ZNF250: variants seen among roughly 807,000 people sequenced by gnomAD.
ZNF250 encodes the protein zinc finger protein 250, also known as zinc finger protein (clone 647).
Under a neutral mutation model 37.1 loss-of-function variants are expected in ZNF250, and 13 were observed. That is an observed-to-expected ratio of 0.35 (90% CI 0.23 to 0.56). ZNF250 has a LOEUF of 0.56. Ranked by LOEUF, ZNF250 falls within the 20% of genes least tolerant of loss-of-function variation. ZNF250 has a pLI of 0.87. For missense variants in ZNF250, 474 were observed against 697.9 expected (o/e 0.68, Z 3.61); for synonymous variants, 251 against 265.6 (o/e 0.94, Z 0.54).
intron 1 of ZNF250, among the ~76,000 whole-genome samples, chr8:144,900,553 ATAT>A (rs1274507258): frequency 6.6e-6 from 1 of 152,222 alleles, no homozygotes; most frequent in East Asian, 1.9e-4. Flanking sequence ...GAAGTATTGC[ATAT>A]TATTTTCAAT....
intron 5 of ZNF250, among the ~76,000 whole-genome samples, chr8:144,883,131 G>A (rs1236387708): frequency 6.6e-6 from 1 of 152,232 alleles, no homozygotes; most frequent in East Asian, 1.9e-4. Flanking sequence ...AGTGGTGCCT[G>A]AGTCCTGCCC....
At chr8:144,898,882 A>G (rs1832899429) in intron 1 of ZNF250, among the ~76,000 whole-genome samples, 1 of 152,246 alleles carries the variant, frequency 6.6e-6, no homozygotes, top group African/African-American at 2.4e-5. Context: ...ACTGCTTGTT[A>G]TATACCCAAA....
rs117729487 is a variant in ZNF250, at chr8:144,893,926, C to T, written c.-54-3523G>A. Among the ~76,000 whole-genome samples, 265 of 152,226 alleles carry T rather than the reference C, an allele frequency of 1.7e-3. 7 individuals carry two copies. In the East Asian group the frequency reaches 0.045, roughly 26 times the overall value. ...TGGATGGCTGCTGGATGATGCTGGC[C>T]AGCTTTTCCGAGAAGCTGCTGCTAG... is the stretch of plus-strand genomic sequence containing the variant. On this transcript the variant is annotated intron_variant, in intron 1 of 5. Coordinates refer to ENST00000417550, the MANE Select transcript of ZNF250 (RefSeq NM_001109689.4).
intron 1 of ZNF250, among the ~76,000 whole-genome samples, chr8:144,894,981 G>T (rs116283928): frequency 9.2e-5 from 14 of 152,282 alleles, no homozygotes; most frequent in African/African-American, 3.1e-4. Flanking sequence ...TTGAATAAAT[G>T]AATGAAGAGG....
At chr8:144,900,287 A>G (rs1833011576) in intron 1 of ZNF250, among the ~76,000 whole-genome samples, 2 of 152,128 alleles carry the variant, frequency 1.3e-5, no homozygotes, top group African/African-American at 4.8e-5. Context: ...ACCTATGTCC[A>G]GAAGACAAGT....
chr8:144,881,956 C>A lies in ZNF250; in HGVS notation c.1227G>T (p.Glu409Asp). 6.2e-7 allele frequency: 1 copy of A among 1,614,050 alleles called. No individual in the cohort carries two copies. The highest frequency in any genetic ancestry group is 8.5e-7 in the Non-Finnish European group (1 of 1,180,014). Residue 409 changes from glutamate to aspartate, a missense_variant, in exon 6 of 6, where the codon GAG becomes GAT. Transcript: ENST00000417550. ...FSHRSTLMNH[E>D]RIHTEEKPYA... The stretch of plus-strand genomic sequence containing the variant: ...AGGGCTTTTCCTCGGTGTGGATCCG[C>A]TCGTGATTCATCAGTGTGGAGCGGT...
At chr8:144,900,795 G>T (rs886304125) in intron 1 of ZNF250, among the ~76,000 whole-genome samples, 14 of 152,196 alleles carry the variant, frequency 9.2e-5, no homozygotes, top group East Asian at 3.9e-4. Context: ...GTAAAGTGGC[G>T]CTCCCGGTGC....
Position 144,879,299 on chromosome 8 carries a change from CCAAT to C in ZNF250, c.*2212_*2215del, listed in dbSNP as rs980038826. ...GATGTCAGCTCCTTTCTCAAGTTAACCAATCAGTTACCAGTTCCTCTCTGGAGTT... is the reference window on the plus strand; with the variant it reads ...GATGTCAGCTCCTTTCTCAAGTTAACCAGTTACCAGTTCCTCTCTGGAGTT... On this transcript the variant is annotated 3_prime_UTR_variant, in exon 6 of 6. Transcript: ENST00000417550. 2 of 152,230 alleles carry C rather than the reference CCAAT, an allele frequency of 1.3e-5. No individual in the cohort carries two copies. Among genetic ancestry groups the C allele is most frequent in the Non-Finnish European group, 2.9e-5 (2 of 68,048 alleles). The allele number at this position is 152,230 out of a possible 1,614,324, so 9.4% of individuals were successfully genotyped here. A position where few individuals can be genotyped will look rare whatever the true frequency, so the allele number is the denominator to read the frequency against.
rs765258046 is a variant in ZNF250, at chr8:144,881,919, C to T, written c.1264G>A (p.Glu422Lys). The change falls in exon 6 of 6, where the codon GAA (glutamate) becomes AAA (lysine). Residue 422 changes from glutamate (E) to lysine (K), a missense_variant. By Grantham distance (56) the Glu-to-Lys change is moderately conservative. This residue lies in a region of ZNF250 where 282 missense variants were observed against 470.4 expected (regional missense o/e 0.60). Transcript: ENST00000417550. ...HTEEKPYACY[E>K]CGKAFVQHSH... is the part of the protein sequence containing the mutation. ...TGCTGAACGAAGGCCTTCCCACATT[C>T]GTAGCATGCATAGGGCTTTTCCTCG... 122 of 1,613,594 alleles carry T rather than the reference C, an allele frequency of 7.6e-5. No individual in the cohort carries two copies. Among genetic ancestry groups the T allele is most frequent in the Non-Finnish European group, 9.9e-5 (117 of 1,179,932 alleles).
chr8:144,880,205 G>GA lies in ZNF250; in HGVS notation c.*1309dup, dbSNP rs1179140533. ...ACTCTTGAACCAGGAGTAAAAAAAT[G>GA]AAAAAAAAAACCCCTTCAAATATAG... is the stretch of plus-strand genomic sequence containing the variant. On this transcript the variant is annotated 3_prime_UTR_variant, in exon 6 of 6. Coordinates refer to ENST00000417550, the MANE Select transcript of ZNF250 (RefSeq NM_001109689.4). 0.011 allele frequency: 2,302 copies of GA among 213,754 alleles called. 1 individual carries two copies. The highest frequency in any genetic ancestry group is 0.026 in the South Asian group (441 of 17,256). The allele number at this position is 213,754 out of a possible 1,614,324, so 13.2% of individuals were successfully genotyped here. A position where few individuals can be genotyped will look rare whatever the true frequency, so the allele number is the denominator to read the frequency against.
At position 144,879,206 on chromosome 8, in the gene ZNF250, C is replaced by T. The variant is rs1831300938; in HGVS notation, c.*2309G>A. On this transcript the variant is annotated 3_prime_UTR_variant, in exon 6 of 6. Coordinates refer to ENST00000417550, the MANE Select transcript of ZNF250 (RefSeq NM_001109689.4). ...GATCTCAGTCCCTCTGAAGTAACAC[C>T]TCAGTAATATTAGTTCCTCTGGAAT... is the stretch of plus-strand genomic sequence containing the variant. The T allele has an allele frequency of 6.6e-6, 1 of 152,228 alleles. No homozygotes were observed. The highest frequency in any genetic ancestry group is 1.5e-5 in the Non-Finnish European group (1 of 68,036). The allele number at this position is 152,228 out of a possible 1,614,324, so 9.4% of individuals were successfully genotyped here.
Position 144,881,775 on chromosome 8 carries a change from C to T in ZNF250, c.1408G>A (p.Gly470Ser). 6.2e-7 allele frequency: 1 copy of T among 1,614,128 alleles called. No homozygotes were observed. Among genetic ancestry groups the T allele is most frequent in the Middle Eastern group, 1.6e-4 (1 of 6,062 alleles). Reference sequence around the variant, plus strand: ...TCTGTGCACTGGAAGGGCTTTTCACCTGTGTGGATTCTCTCATGCTGGATC... The same window carrying T: ...TCTGTGCACTGGAAGGGCTTTTCACTTGTGTGGATTCTCTCATGCTGGATC... ...SLIQHERIHT[G>S]EKPFQCTECG... The change falls in exon 6 of 6, where the codon GGT becomes AGT. Residue 470 changes from glycine (G) to serine (S), a missense_variant. Coordinates refer to ENST00000417550, the MANE Select transcript of ZNF250 (RefSeq NM_001109689.4).
chr8:144,892,632 G>A (rs1025885024), intron 1 of ZNF250, among the ~76,000 whole-genome samples: 4 of 151,806 alleles, frequency 2.6e-5, no homozygotes, highest in Non-Finnish European at 5.9e-5. Flanking sequence ...TCGGCTCACC[G>A]CAACCTCCAC....
chr8:144,883,915 C>T (rs1364136512), intron 5 of ZNF250, among the ~76,000 whole-genome samples: 1 of 151,814 alleles, frequency 6.6e-6, no homozygotes, highest in East Asian at 2.0e-4. Flanking sequence ...GTCTCTGTCA[C>T]CCAAGCTGGA....
rs1461163896 is a variant in ZNF250 at position 144,880,843 on chromosome 8, G to C, written c.*672C>G. On this transcript the variant is annotated 3_prime_UTR_variant, in exon 6 of 6. Transcript: ENST00000417550. Reference sequence around the variant, plus strand: ...AGATCATGCCACTGCACTGCAGCTTGGGCAACAGAGCAAGACTATCTCCAC... The same window carrying C: ...AGATCATGCCACTGCACTGCAGCTTCGGCAACAGAGCAAGACTATCTCCAC... 4.9e-6 allele frequency: 1 copy of C among 203,104 alleles called. No individual in the cohort carries two copies. The highest frequency in any genetic ancestry group is 1.0e-5 in the Non-Finnish European group (1 of 95,704). 12.6% of individuals were successfully genotyped at this position (203,104 alleles called of 1,614,324 possible). A position where few individuals can be genotyped will look rare whatever the true frequency, so the allele number is the denominator to read the frequency against.
chr8:144,881,392 T>C lies in ZNF250; in HGVS notation c.*123A>G, dbSNP rs1428941881. 1.4e-6 allele frequency: 2 copies of C among 1,389,474 alleles called. No individual in the cohort carries two copies. Among genetic ancestry groups the C allele is most frequent in the East Asian group, 5.1e-5 (2 of 39,572 alleles). The allele number at this position is 1,389,474 out of a possible 1,614,324, so 86.1% of individuals were successfully genotyped here. A position where few individuals can be genotyped will look rare whatever the true frequency, so the allele number is the denominator to read the frequency against. On this transcript the variant is annotated 3_prime_UTR_variant, in exon 6 of 6. Coordinates refer to ENST00000417550, the MANE Select transcript of ZNF250 (RefSeq NM_001109689.4). ...TAAGTGCTTCTTTCTGGAGTTATTTTGTGACACTGAATCGCCAAAGAAAAG... is the reference window on the plus strand; with the variant it reads ...TAAGTGCTTCTTTCTGGAGTTATTTCGTGACACTGAATCGCCAAAGAAAAG...
rs1433206722 is a variant in ZNF250 at position 144,882,770 on chromosome 8, G to C, written c.413C>G (p.Thr138Arg). The change falls in exon 6 of 6, where the codon ACA becomes AGA. Residue 138 changes from threonine to arginine, a missense_variant. Coordinates refer to ENST00000417550, the MANE Select transcript of ZNF250 (RefSeq NM_001109689.4). This position sits in a 1 kb window ranked among gnomAD's most constrained non-coding sequence, Gnocchi z 5.5. Reference protein sequence around the residue: ...LSPKPLISEQTVILGKTPLGR... With the variant: ...LSPKPLISEQRVILGKTPLGR... ...CAAGGGTGTTTTCCCCAGAATCACT[G>C]TTTGCTCTGAAATTAATGGCTTCGG... is the stretch of plus-strand genomic sequence containing the variant. 1 of 1,613,888 alleles carries C rather than the reference G, an allele frequency of 6.2e-7. No individual in the cohort carries two copies. The highest frequency in any genetic ancestry group is 1.3e-5 in the African/African-American group (1 of 74,932).
In ZNF250 at chr8:144,900,380, C is replaced by T. The variant is rs796748049; in HGVS notation, c.-55+1019G>A. ...GCCGCCCCTGGTGTTAGTCAAACGA[C>T]ACCAGCTTCCCTTTGATGACAGAAA... On this transcript the variant is annotated intron_variant, in intron 1 of 5. Transcript: ENST00000417550. Among the ~76,000 whole-genome samples, 4 of 152,286 alleles carry T rather than the reference C, an allele frequency of 2.6e-5. No homozygotes were observed. The South Asian group carries it at 6.2e-4, about 24-fold the overall frequency.
chr8:144,898,296 C>A (rs1263295822), intron 1 of ZNF250, among the ~76,000 whole-genome samples: 4 of 150,926 alleles, frequency 2.7e-5, no homozygotes, highest in Non-Finnish European at 5.9e-5. Flanking sequence ...GACTCCATCT[C>A]AAAAGAAAAA....
Sources: allele counts gnomAD v4.1 joint callset (sites outside exome capture counted in the v4.1 genomes callset), GRCh38; gene constraint gnomAD v4.1.1; regional missense constraint gnomAD v4.1.1; non-coding constraint Gnocchi (gnomAD v3.1); transcripts MANE v1.5; gene names NCBI Gene and HGNC (gene_info 2026-07-23, HGNC 2026-07-21).